CDH12: variants seen among roughly 807,000 people sequenced by gnomAD.
CDH12 encodes the protein cadherin-12.
A neutral mutation model predicts 74.1 loss-of-function variants in CDH12; 41 were observed. The ratio of observed to expected loss-of-function variants is 0.55; its 90% CI spans 0.43 to 0.72. The LOEUF (loss-of-function observed/expected upper bound fraction) is 0.72, where lower values mean the gene tolerates loss of function less well. Ranked by LOEUF, CDH12 falls within the 30% of genes least tolerant of loss-of-function variation. CDH12 has a pLI of 0.00. For missense variants in CDH12, 945 were observed against 977.2 expected, an observed-to-expected ratio of 0.97 and a Z score of 0.44; for synonymous variants, 399 against 355.0, an observed-to-expected ratio of 1.12 and a Z score of -1.39.
At chr5:22,642,995 G>T (rs1228197063) in intron 1 of CDH12, among the ~76,000 whole-genome samples, 1 of 152,074 alleles carries the variant, frequency 6.6e-6, no homozygotes, top group Non-Finnish European at 1.5e-5. Context: ...ATTCCCAGAG[G>T]TAATAATGAA....
intron 5 of CDH12, among the ~76,000 whole-genome samples, chr5:22,014,431 G>A (rs1737480324): frequency 6.6e-6 from 1 of 151,952 alleles, no homozygotes; most frequent in African/African-American, 2.4e-5. Context: ...ATATATAAAT[G>A]TATACTCATA....
chr5:22,252,303 C>G (rs539962037), intron 3 of CDH12, among the ~76,000 whole-genome samples: 1 of 151,574 alleles, frequency 6.6e-6, no homozygotes, highest in Non-Finnish European at 1.5e-5. Flanking sequence ...TATAATAATG[C>G]AACAACATTT....
intron 3 of CDH12, among the ~76,000 whole-genome samples, chr5:22,240,156 T>C (rs1030232178): frequency 6.6e-6 from 1 of 152,174 alleles, no homozygotes; most frequent in African/African-American, 2.4e-5. Context: ...GTATCCATTC[T>C]TTTTGCAATA....
At chr5:21,921,068 A>G (rs1024600372) in intron 6 of CDH12, among the ~76,000 whole-genome samples, 4 of 152,182 alleles carry the variant, frequency 2.6e-5, no homozygotes, top group African/African-American at 7.2e-5. Context: ...TAAAATTGTC[A>G]TCTCTCTTCT....
At chr5:22,533,371 C>T (rs1204531149) in intron 1 of CDH12, among the ~76,000 whole-genome samples, 2 of 152,142 alleles carry the variant, frequency 1.3e-5, no homozygotes, top group Non-Finnish European at 2.9e-5. Context: ...GTACATAATG[C>T]AACTGTTGTC....
At chr5:22,556,201 A>T (rs1371458074) in intron 1 of CDH12, among the ~76,000 whole-genome samples, 1 of 152,084 alleles carries the variant, frequency 6.6e-6, no homozygotes, top group Non-Finnish European at 1.5e-5. Context: ...ATAAAAGCAG[A>T]AGGGGTAGTA....
chr5:21,946,797 C>T (rs956372921), intron 6 of CDH12, among the ~76,000 whole-genome samples: 1 of 152,194 alleles, frequency 6.6e-6, no homozygotes, highest in Non-Finnish European at 1.5e-5. Flanking sequence ...AACAAACCTA[C>T]TGCATTGCCA....
intron 5 of CDH12, among the ~76,000 whole-genome samples, chr5:21,986,600 C>G (rs1757525170): frequency 6.6e-6 from 1 of 152,060 alleles, no homozygotes; most frequent in Non-Finnish European, 1.5e-5. Flanking sequence ...AATTTCCAGA[C>G]AATAAACCAT....
chr5:22,219,267 T>G (rs1417641972), intron 3 of CDH12, among the ~76,000 whole-genome samples: 1 of 151,760 alleles, frequency 6.6e-6, no homozygotes, highest in Non-Finnish European at 1.5e-5. Context: ...ATACCTTCTA[T>G]AACATCATAA....
At chr5:22,501,122 CTTTA>C (rs1227261751) in intron 2 of CDH12, among the ~76,000 whole-genome samples, 2 of 152,002 alleles carry the variant, frequency 1.3e-5, no homozygotes, top group African/African-American at 4.8e-5. Context: ...TATCTTTCAT[CTTTA>C]TTTAAGGCAT....
chr5:22,730,194 G>GACAACA (rs1177478287), intron 1 of CDH12, among the ~76,000 whole-genome samples: 1 of 151,240 alleles, frequency 6.6e-6, no homozygotes, highest in Non-Finnish European at 1.5e-5. Flanking sequence ...CAACAACAAC[G>GACAACA]ACAACAACAA....
At chr5:22,662,844 A>G (rs1485297529) in intron 1 of CDH12, among the ~76,000 whole-genome samples, 1 of 152,212 alleles carries the variant, frequency 6.6e-6, no homozygotes, top group Non-Finnish European at 1.5e-5. Flanking sequence ...CAATATTTAC[A>G]TAATTATAAC....
chr5:22,094,519 A>T (rs1164750589), intron 4 of CDH12, among the ~76,000 whole-genome samples: 1 of 152,136 alleles, frequency 6.6e-6, no homozygotes, highest in African/African-American at 2.4e-5. Context: ...GACAGAAACT[A>T]TCGTAACAGT....
chr5:21,864,246 T>C (rs1011411391), intron 6 of CDH12, among the ~76,000 whole-genome samples: 3 of 151,966 alleles, frequency 2.0e-5, no homozygotes, highest in African/African-American at 7.2e-5. Context: ...AATTAAGGAA[T>C]ACCTAGAGAA....
intron 1 of CDH12, among the ~76,000 whole-genome samples, chr5:22,829,689 T>C (rs1236137463): frequency 2.0e-5 from 3 of 152,200 alleles, no homozygotes; most frequent in Non-Finnish European, 4.4e-5. Context: ...CACAATGAGA[T>C]ACTTCTACCC....
rs1283916396 is a variant in CDH12 at position 22,376,087 on chromosome 5, G to A, written c.-333+29170C>T. On this transcript the variant is annotated intron_variant, in intron 3 of 14. Transcript: ENST00000382254. ...ATGGATGAATGGATAAAGAACATGT[G>A]GTTCATACACACAATGGAATACTAT... Among the ~76,000 whole-genome samples the A allele has an allele frequency of 2.6e-5, 4 of 152,096 alleles. No homozygotes were observed. The East Asian group carries it at 7.7e-4, about 29-fold the overall frequency.
At chr5:22,642,665 T>C (rs1739214207) in intron 1 of CDH12, among the ~76,000 whole-genome samples, 1 of 152,154 alleles carries the variant, frequency 6.6e-6, no homozygotes, top group South Asian at 2.1e-4. Flanking sequence ...ACCATTTTGT[T>C]ATATTTTATT....
At chr5:21,796,593 C>A (rs1746794073) in intron 10 of CDH12, among the ~76,000 whole-genome samples, 1 of 151,932 alleles carries the variant, frequency 6.6e-6, no homozygotes, top group Admixed American at 6.6e-5. Context: ...TTTACATCAT[C>A]ATTCTGTTAT....
intron 3 of CDH12, among the ~76,000 whole-genome samples, chr5:22,343,181 T>C (rs980097738): frequency 1.5e-4 from 22 of 151,490 alleles, no homozygotes; most frequent in Non-Finnish European, 2.7e-4. Context: ...AAGTAGAACG[T>C]AGACTAACAT....
Sources: gnomAD v4.1 joint callset for allele counts (sites outside exome capture counted in the v4.1 genomes callset) on GRCh38, gnomAD v4.1.1 for gene constraint, MANE v1.5 for transcripts, NCBI Gene and HGNC (gene_info 2026-07-23, HGNC 2026-07-21) for gene names.